PAK5: variants seen among roughly 807,000 people sequenced by gnomAD.
PAK5 encodes the protein serine/threonine-protein kinase PAK 5.
PAK5 carries 16 observed loss-of-function variants against 65.9 expected under a neutral mutation model. That is an observed-to-expected ratio of 0.24 (90% CI 0.16 to 0.37). The LOEUF is 0.37. Among genes scored for constraint, PAK5 ranks in the 10% least tolerant of loss-of-function variants. The pLI, the probability that PAK5 is intolerant of heterozygous loss-of-function variation, is 1.00. For missense variants in PAK5, 785 were observed against 903.9 expected (o/e 0.87, Z 1.69); for synonymous variants, 371 against 354.9 (o/e 1.05, Z -0.51).
chr20:9,656,661 C>T (rs998886228), intron 2 of PAK5, among the ~76,000 whole-genome samples: 1 of 152,158 alleles, frequency 6.6e-6, no homozygotes, highest in African/African-American at 2.4e-5. Context: ...GGGCAAATTA[C>T]TTAATCTCTT....
chr20:9,576,149 C>T (rs538471024), intron 4 of PAK5, among the ~76,000 whole-genome samples: 1 of 152,186 alleles, frequency 6.6e-6, no homozygotes, highest in South Asian at 2.1e-4. Context: ...CTTACTTAAC[C>T]CTCATACTAT....
rs560076343 is a variant in PAK5, at chr20:9,538,649, G to C, written c.*813C>G. 8.6e-6 allele frequency: 2 copies of C among 233,204 alleles called. No individual in the cohort carries two copies. The highest frequency in any genetic ancestry group is 1.7e-5 in the Non-Finnish European group (2 of 117,864). The allele number at this position is 233,204 out of a possible 1,614,324, so 14.4% of individuals were successfully genotyped here. A position where few individuals can be genotyped will look rare whatever the true frequency, so the allele number is the denominator to read the frequency against. Reference sequence around the variant, plus strand: ...AAAAGAATGGTTTGCTACTAGAGGCGTTCATGGAAAATGTGATCTTTAAAA... The same window carrying C: ...AAAAGAATGGTTTGCTACTAGAGGCCTTCATGGAAAATGTGATCTTTAAAA... On this transcript the variant is annotated 3_prime_UTR_variant, in exon 10 of 10. Transcript: ENST00000353224.
intron 1 of PAK5, among the ~76,000 whole-genome samples, chr20:9,798,868 C>G (rs189772977): frequency 1.9e-4 from 29 of 151,994 alleles, no homozygotes; most frequent in Admixed American, 1.9e-3. Context: ...TTCTTGGGCC[C>G]CACCCCAGAT....
At chr20:9,691,453 G>A (rs140285983) in intron 2 of PAK5, among the ~76,000 whole-genome samples, 13 of 152,206 alleles carry the variant, frequency 8.5e-5, no homozygotes, top group African/African-American at 2.9e-4. Context: ...AAAGACTGTC[G>A]GTCATTTTTC....
chr20:9,610,729 G>A (rs917297002), intron 3 of PAK5, among the ~76,000 whole-genome samples: 1 of 152,064 alleles, frequency 6.6e-6, no homozygotes, highest in African/African-American at 2.4e-5. Context: ...TGTTTCTAAT[G>A]GTCTGTGCCC....
At position 9,662,845 on chromosome 20, in the gene PAK5, T is replaced by G. The variant is rs114576165; in HGVS notation, c.-11-18506A>C. 8.9e-3 allele frequency among the ~76,000 whole-genome samples: 1,358 copies of G among 152,262 alleles called. 20 individuals are homozygous for G. The highest frequency in any genetic ancestry group is 0.031 in the African/African-American group (1,273 of 41,542). ...AGCCTCACATCAAAGAGAAAAAAGC[T>G]AAGTATCAGAATGAAATCACTTGCC... On this transcript the variant is annotated intron_variant, in intron 2 of 9. Transcript: ENST00000353224.
intron 1 of PAK5, among the ~76,000 whole-genome samples, chr20:9,790,306 G>T (rs143973274): frequency 6.6e-6 from 1 of 151,998 alleles, no homozygotes; most frequent in African/African-American, 2.4e-5. Context: ...AATCAGATTT[G>T]TTTGCTTGTC....
chr20:9,642,818 TG>T (rs2047087203), intron 3 of PAK5, among the ~76,000 whole-genome samples: 1 of 152,230 alleles, frequency 6.6e-6, no homozygotes, highest in Non-Finnish European at 1.5e-5. Context: ...TTTTTGTGTG[TG>T]TATGTACTTA....
intron 3 of PAK5, among the ~76,000 whole-genome samples, chr20:9,611,157 C>T (rs1474447869): frequency 1.3e-5 from 2 of 152,184 alleles, no homozygotes; most frequent in Non-Finnish European, 2.9e-5. Context: ...CTGTTCTTGG[C>T]CTATTGGAAT....
intron 7 of PAK5, among the ~76,000 whole-genome samples, chr20:9,553,376 C>T (rs2045459794): frequency 6.6e-6 from 1 of 152,112 alleles, no homozygotes; most frequent in Non-Finnish European, 1.5e-5. Context: ...GTTTTTGCCA[C>T]TAAAAGTAAT....
chr20:9,668,900 A>C (rs1022946725), intron 2 of PAK5, among the ~76,000 whole-genome samples: 1 of 152,238 alleles, frequency 6.6e-6, no homozygotes, highest in African/African-American at 2.4e-5. Flanking sequence ...AGGAGCCTGC[A>C]TGCAGATCAG....
At chr20:9,683,280 T>A (rs1298203097) in intron 2 of PAK5, among the ~76,000 whole-genome samples, 1 of 152,254 alleles carries the variant, frequency 6.6e-6, no homozygotes, top group African/African-American at 2.4e-5. Flanking sequence ...TATTTCTACA[T>A]AGAGTGAGAC....
At chr20:9,706,765 C>T (rs144156315) in intron 2 of PAK5, among the ~76,000 whole-genome samples, 12 of 152,068 alleles carry the variant, frequency 7.9e-5, no homozygotes, top group African/African-American at 2.9e-4. Flanking sequence ...GCTTCAGCCT[C>T]CTAAAGTGCT....
chr20:9,721,932 T>C (rs957832482), intron 1 of PAK5, among the ~76,000 whole-genome samples: 1 of 152,142 alleles, frequency 6.6e-6, no homozygotes, highest in Admixed American at 6.5e-5. Context: ...CCATATATCA[T>C]GTTTTGGAAA....
chr20:9,820,733 C>T (rs1569101467), intron 1 of PAK5, among the ~76,000 whole-genome samples: 1 of 152,140 alleles, frequency 6.6e-6, no homozygotes, highest in African/African-American at 2.4e-5. Context: ...AAGGCAGGCA[C>T]AACAAAAGTG....
Position 9,594,002 on chromosome 20 carries a change from A to G in PAK5, c.205-13072T>C, listed in dbSNP as rs527353181. On this transcript the variant is annotated intron_variant, in intron 3 of 9. Coordinates refer to ENST00000353224, the MANE Select transcript of PAK5 (RefSeq NM_177990.4). Reference sequence around the variant, plus strand: ...GATTCCGCTTCATCTGGCAGCTTCAATTGCAGGGGCTCCCAGCCATGCACA... The same window carrying G: ...GATTCCGCTTCATCTGGCAGCTTCAGTTGCAGGGGCTCCCAGCCATGCACA... Among the ~76,000 whole-genome samples the G allele has an allele frequency of 1.4e-4, 22 of 152,330 alleles. No individual in the cohort carries two copies. In the Middle Eastern group the frequency reaches 0.017, roughly 118 times the overall value.
chr20:9,773,030 CA>C (rs1435352372), intron 1 of PAK5, among the ~76,000 whole-genome samples: 1 of 152,164 alleles, frequency 6.6e-6, no homozygotes, highest in Non-Finnish European at 1.5e-5. Context: ...GATGAGAAGT[CA>C]AACTTCTCAC....
At position 9,562,981 on chromosome 20, in the gene PAK5, A is replaced by G. The variant is rs764513567; in HGVS notation, c.1526T>C (p.Met509Thr). 28 of 1,613,000 alleles carry G rather than the reference A, an allele frequency of 1.7e-5. No individual in the cohort carries two copies. Among genetic ancestry groups the G allele is most frequent in the Non-Finnish European group, 2.3e-5 (27 of 1,179,198 alleles). The change falls in exon 6 of 10, where the codon ATG (methionine) becomes ACG (threonine). Residue 509 changes from methionine (M) to threonine (T), a missense_variant. Transcript: ENST00000353224. ...ATCGCCGACAAGGTAGCTGCTGTAC[A>G]TGTCAACCACATTGTCATGGTGGTA... is the stretch of plus-strand genomic sequence containing the variant. ...RDYHHDNVVD[M>T]YSSYLVGDEL... is the part of the protein sequence containing the mutation.
intron 1 of PAK5, among the ~76,000 whole-genome samples, chr20:9,757,998 T>C (rs2048655363): frequency 6.6e-6 from 1 of 152,186 alleles, no homozygotes; most frequent in Non-Finnish European, 1.5e-5. Flanking sequence ...TTGCTCTTGG[T>C]ATATAAATAA....
Sources: gnomAD v4.1 joint callset for allele counts (sites outside exome capture counted in the v4.1 genomes callset) on GRCh38, gnomAD v4.1.1 for gene constraint, MANE v1.5 for transcripts, NCBI Gene and HGNC (gene_info 2026-07-23, HGNC 2026-07-21) for gene names.